Variants in HGD observed in about 807,000 individuals in gnomAD.
HGD encodes homogentisate oxidase.
HGD carries 61 observed loss-of-function variants against 60.8 expected under a neutral mutation model. The observed-to-expected ratio is 1.00, with a 90% CI of 0.82 to 1.24. HGD has a LOEUF of 1.24. Among genes scored for constraint, HGD ranks in the 50% most tolerant of loss-of-function variants. The probability of loss-of-function intolerance (pLI) is 0.00; values close to 1 mark genes in which losing one functional copy is unlikely to be tolerated. For synonymous variants in HGD, 212 were observed against 187.7 expected, an observed-to-expected ratio of 1.13 and a Z score of -1.06; for missense variants, 542 against 547.1, an observed-to-expected ratio of 0.99 and a Z score of 0.09.
chr3:120,641,305 C>T (rs1237829369), intron 11 of HGD, among the ~76,000 whole-genome samples: 1 of 152,106 alleles, frequency 6.6e-6, no homozygotes, highest in Non-Finnish European at 1.5e-5. Flanking sequence ...AAATTTTCCA[C>T]AAAGAAACTA....
intron 4 of HGD, among the ~76,000 whole-genome samples, chr3:120,664,724 C>T (rs1006453856): frequency 6.6e-6 from 1 of 152,046 alleles, no homozygotes; most frequent in African/African-American, 2.4e-5. Flanking sequence ...AGCCACTGTG[C>T]CTGGCCAGAT....
chr3:120,632,535 C>CA (rs1239271672), intron 13 of HGD, among the ~76,000 whole-genome samples: 1 of 152,108 alleles, frequency 6.6e-6, no homozygotes, highest in Non-Finnish European at 1.5e-5. Context: ...AAGGAAAATG[C>CA]AAAAAACAGC....
At chr3:120,676,717 C>G (rs1708138147) in intron 1 of HGD, among the ~76,000 whole-genome samples, 1 of 152,180 alleles carries the variant, frequency 6.6e-6, no homozygotes, top group Non-Finnish European at 1.5e-5. Flanking sequence ...TTTGCTCTAA[C>G]TTAAATACCA....
At position 120,628,223 on chromosome 3, in the gene HGD, C is replaced by G. The variant is rs1205927545; in HGVS notation, c.*157G>C. On this transcript the variant is annotated 3_prime_UTR_variant, in exon 14 of 14. Transcript: ENST00000283871. ...AGTAATTAAGGTGACAGCCATAGAA[C>G]TTTGCAAATGCGTTTCCATAAAAGT... The G allele has an allele frequency of 2.5e-6, 2 of 789,312 alleles. No individual in the cohort carries two copies. Among genetic ancestry groups the G allele is most frequent in the Non-Finnish European group, 4.3e-6 (2 of 467,246 alleles). 48.9% of individuals were successfully genotyped at this position (789,312 alleles called of 1,614,324 possible).
At position 120,646,968 on chromosome 3, in the gene HGD, C is replaced by T. The variant is rs1941183243; in HGVS notation, c.549+5G>A. ...GCAGGGAAGAGAAGGGGACACATCA[C>T]CAACCTGAATGACGCAGATCTCATT... On this transcript the variant is annotated splice_donor_5th_base_variant and intron_variant, in intron 8 of 13. Transcript: ENST00000283871. 1 of 1,612,098 alleles carries T rather than the reference C, an allele frequency of 6.2e-7. No homozygotes were observed. Among genetic ancestry groups the T allele is most frequent in the African/African-American group, 1.3e-5 (1 of 75,012 alleles).
chr3:120,633,405 T>C, intron 12 of HGD, 77 bp from the exon 13 acceptor site: 1 of 1,611,630 alleles, frequency 6.2e-7, no homozygotes, highest in Non-Finnish European at 8.5e-7. Flanking sequence ...AAACATTATT[T>C]CTGCAGAATT....
At chr3:120,628,942 A>G (rs1314304608) in intron 13 of HGD, among the ~76,000 whole-genome samples, 1 of 152,116 alleles carries the variant, frequency 6.6e-6, no homozygotes, top group Non-Finnish European at 1.5e-5. Flanking sequence ...CATTTTGCAG[A>G]GGAGGAATTA....
Position 120,658,289 on chromosome 3 carries a change from A to G in HGD, c.283-5638T>C, listed in dbSNP as rs552141890. The stretch of plus-strand genomic sequence containing the variant: ...AAGATACAATGGGGGTATAGACATT[A>G]GGTAAATACTTCCATTTCAAAAGGG... On this transcript the variant is annotated intron_variant, in intron 4 of 13. Transcript: ENST00000283871. 9.1e-4 allele frequency among the ~76,000 whole-genome samples: 138 copies of G among 152,390 alleles called. 1 individual carries two copies. Among genetic ancestry groups the G allele is most frequent in the African/African-American group, 3.2e-3 (135 of 41,598 alleles).
chr3:120,639,392 T>A (rs1261053159), intron 11 of HGD, among the ~76,000 whole-genome samples: 2 of 152,204 alleles, frequency 1.3e-5, no homozygotes, highest in Admixed American at 1.3e-4. Context: ...TAATTTCTGA[T>A]CAAACAACAG....
chr3:120,670,860 G>A (rs141926186), intron 3 of HGD, among the ~76,000 whole-genome samples: 3 of 152,320 alleles, frequency 2.0e-5, no homozygotes, highest in Admixed American at 2.0e-4. Flanking sequence ...TATCTGTGTA[G>A]GAAAATCCAT....
At chr3:120,639,372 A>T (rs1940895278) in intron 11 of HGD, among the ~76,000 whole-genome samples, 1 of 152,216 alleles carries the variant, frequency 6.6e-6, no homozygotes, top group Admixed American at 6.5e-5. Context: ...GTTGCTGCAA[A>T]CGGACAGCCT....
Position 120,650,863 on chromosome 3 carries a change from G to A in HGD, c.345C>T (p.Gly115=), listed in dbSNP as rs1209894183. 1.2e-6 allele frequency: 2 copies of A among 1,612,836 alleles called. No individual in the cohort carries two copies. ...CTCCAGCTCCACACAAGGTATGCAGGCCCTGGGAGAGACCCACAGAAGAGG... is the reference window on the plus strand; with the variant it reads ...CTCCAGCTCCACACAAGGTATGCAGACCCTGGGAGAGACCCACAGAAGAGG... ...ASQKKVDFVS[G]LHTLCGAGDI... Residue 115 remains glycine, a splice_region_variant and synonymous_variant, in exon 6 of 14, where the codon GGC becomes GGT. Transcript: ENST00000283871.
intron 4 of HGD, among the ~76,000 whole-genome samples, chr3:120,669,864 T>C (rs906940777): frequency 6.6e-6 from 1 of 152,216 alleles, no homozygotes; most frequent in Non-Finnish European, 1.5e-5. Flanking sequence ...TTTAACAATA[T>C]GTATATACAT....
In HGD at chr3:120,628,452, G is replaced by A. The variant is rs1417213536; in HGVS notation, c.1266C>T (p.Asn422=). The change falls in exon 14 of 14, where the codon AAC becomes AAT. Residue 422 remains asparagine (N), a synonymous_variant. Coordinates refer to ENST00000283871, the MANE Select transcript of HGD (RefSeq NM_000187.4). The part of the protein sequence containing the change: ...GLKASRCLDE[N]YHKCWEPLKS... ...TGAGTGGCTCCCAGCACTTGTGGTA[G>A]TTCTCATCCAAACACCTGGAGGCCT... The A allele has an allele frequency of 4.3e-6, 7 of 1,613,968 alleles. No individual in the cohort carries two copies. Among genetic ancestry groups the A allele is most frequent in the Non-Finnish European group, 5.1e-6 (6 of 1,179,978 alleles).
intron 4 of HGD, among the ~76,000 whole-genome samples, chr3:120,667,741 T>A (rs1194862881): frequency 6.6e-6 from 1 of 152,196 alleles, no homozygotes; most frequent in East Asian, 1.9e-4. Context: ...CCTACCCTGT[T>A]AACCACTACT....
At chr3:120,655,426 A>G (rs868555014) in intron 4 of HGD, among the ~76,000 whole-genome samples, 1 of 152,232 alleles carries the variant, frequency 6.6e-6, no homozygotes, top group African/African-American at 2.4e-5. Context: ...TGACAGAGAT[A>G]GTATAGGGAG....
chr3:120,670,256 T>G (rs1465567275), intron 4 of HGD, 171 bp downstream of exon 4: 3 of 638,894 alleles, frequency 4.7e-6, no homozygotes, highest in East Asian at 5.5e-5. Context: ...AGCATGAGAA[T>G]GGACTAATAC....
intron 13 of HGD, among the ~76,000 whole-genome samples, chr3:120,630,804 A>ATG (rs1438413560): frequency 1.6e-5 from 1 of 64,368 alleles, no homozygotes; most frequent in African/African-American, 7.2e-5. Flanking sequence ...AGCTTTATAT[A>ATG]TATATATATA....
At position 120,641,687 on chromosome 3, in the gene HGD, AGAC is replaced by A. The variant is rs1174048528; in HGVS notation, c.778_780del (p.Val260del). ...TGCCAGGCCACAACATTGAACGGGG[AGAC>A]ATCCTAAACACAAAAAGCAGGAAAG... On this transcript the variant is annotated inframe_deletion, in exon 11 of 14. Coordinates refer to ENST00000283871, the MANE Select transcript of HGD (RefSeq NM_000187.4). 1 of 1,609,392 alleles carries A rather than the reference AGAC, an allele frequency of 6.2e-7. No individual in the cohort carries two copies. Among genetic ancestry groups the A allele is most frequent in the Non-Finnish European group, 8.5e-7 (1 of 1,175,808 alleles).
Sources: gnomAD v4.1 joint callset for allele counts (sites outside exome capture counted in the v4.1 genomes callset) on GRCh38, gnomAD v4.1.1 for gene constraint, MANE v1.5 for transcripts, NCBI Gene and HGNC (gene_info 2026-07-23, HGNC 2026-07-21) for gene names.